PRX: variants seen among roughly 807,000 people sequenced by gnomAD.
The protein encoded by PRX is periaxin.
A neutral mutation model predicts 29.6 loss-of-function variants in PRX; 24 were observed. That is an observed-to-expected ratio of 0.81 (90% CI 0.59 to 1.14). PRX has a LOEUF of 1.14. Ranked by LOEUF, PRX falls within the 50% of genes most tolerant of loss-of-function variation. The probability of loss-of-function intolerance (pLI) is 0.00; values close to 1 mark genes in which losing one functional copy is unlikely to be tolerated. For missense variants in PRX, 1,838 were observed against 1,926.4 expected, an observed-to-expected ratio of 0.95 and a Z score of 0.86; for synonymous variants, 772 against 831.7, an observed-to-expected ratio of 0.93 and a Z score of 1.24.
chr19:40,394,214 G>A lies in PRX; in HGVS notation c.4138C>T (p.Arg1380Cys), dbSNP rs771840476. ...TTAGAAGGGGCCGCCAGGCCTACACGTGGCAAGCGGACCCGGACCCGGCCC... is the reference window on the plus strand; with the variant it reads ...TTAGAAGGGGCCGCCAGGCCTACACATGGCAAGCGGACCCGGACCCGGCCC... ...RRGRVRVRLP[R>C]VGLAAPSKAS... Residue 1380 changes from arginine (R) to cysteine (C), a missense_variant, in exon 7 of 7, where the codon CGT becomes TGT. Arg to Cys is a radical substitution (Grantham distance 180, BLOSUM62 -3). Around this residue, in one of 3 missense-constraint regions of PRX, gnomAD observed 1,143 missense variants for 1,193.0 expected, o/e 0.96. Transcript: ENST00000324001. This position sits in a 1 kb window ranked among gnomAD's most constrained non-coding sequence, Gnocchi z 5.8. 2.1e-5 allele frequency: 33 copies of A among 1,598,186 alleles called. No homozygotes were observed. Among genetic ancestry groups the A allele is most frequent in the Middle Eastern group, 1.7e-4 (1 of 6,004 alleles).
At chr19:40,407,253 T>TGTGTG (rs1303300315) in intron 4 of PRX, among the ~76,000 whole-genome samples, 1 of 147,100 alleles carries the variant, frequency 6.8e-6, no homozygotes, top group African/African-American at 2.6e-5. Flanking sequence ...TGTGTGTGTG[T>TGTGTG]TTAGACAGGG....
intron 1 of PRX, among the ~76,000 whole-genome samples, chr19:40,410,562 G>T (rs911130719): frequency 6.6e-6 from 1 of 152,122 alleles, no homozygotes; most frequent in Non-Finnish European, 1.5e-5. Flanking sequence ...GCTGTGCCAG[G>T]ACTTGAACTT....
Position 40,397,313 on chromosome 19 carries a change from G to C in PRX, c.1039C>G (p.Arg347Gly), listed in dbSNP as rs539678344. Residue 347 changes from arginine to glycine, a missense_variant, in exon 7 of 7, where the codon CGG (arginine) becomes GGG (glycine). Transcript: ENST00000324001. ...AGGGCCACCTCAGGTGCCTCTCCCC[G>C]GGCCTCCACCTCTGCACCCGGCAAG... Reference protein sequence around the residue: ...LALPGAEVEARGEAPEVALKM... With the variant: ...LALPGAEVEAGGEAPEVALKM... 1.2e-6 allele frequency: 2 copies of C among 1,613,100 alleles called. No individual in the cohort carries two copies. Among genetic ancestry groups the C allele is most frequent in the South Asian group, 1.1e-5 (1 of 91,092 alleles).
intron 3 of PRX, 63 bp downstream of exon 3, chr19:40,408,095 C>A: frequency 1.1e-6 from 1 of 906,938 alleles, no homozygotes; most frequent in South Asian, 1.4e-5. Flanking sequence ...GCCATGCTTA[C>A]AGGGAGAAAG....
chr19:40,396,613 A>G lies in PRX; in HGVS notation c.1739T>C (p.Met580Thr). ...TGGAAGCTTCATCTCAGGGACTTTC[A>G]TCTCTGGCACTTTCGGCAGCTGCAC... Reference protein sequence around the residue: ...PEVQLPKVPEMKVPEMKLPKV... With the variant: ...PEVQLPKVPETKVPEMKLPKV... The change falls in exon 7 of 7, where the codon ATG (methionine) becomes ACG (threonine). Residue 580 changes from methionine to threonine, a missense_variant. Physicochemically the swap from Met to Thr is moderately conservative, Grantham distance 81 (BLOSUM62 -1). Around this residue, in one of 3 missense-constraint regions of PRX, gnomAD observed 1,143 missense variants for 1,193.0 expected, o/e 0.96. Transcript: ENST00000324001. 1 of 1,613,366 alleles carries G rather than the reference A, an allele frequency of 6.2e-7. No homozygotes were observed. Among genetic ancestry groups the G allele is most frequent in the African/African-American group, 1.3e-5 (1 of 74,700 alleles).
chr19:40,397,400 C>A lies in PRX; in HGVS notation c.952G>T (p.Ala318Ser), dbSNP rs765313807. 6.2e-7 allele frequency: 1 copy of A among 1,611,568 alleles called. No individual in the cohort carries two copies. Among genetic ancestry groups the A allele is most frequent in the Non-Finnish European group, 8.5e-7 (1 of 1,179,458 alleles). The part of the protein sequence containing the change: ...TLPCLETREG[A>S]VSVVVPTLDV... ...AGGGTGGGCACCACTACCGACACAGCCCCTTCCCGGGTCTCTAGGCAGGGA... is the reference window on the plus strand; with the variant it reads ...AGGGTGGGCACCACTACCGACACAGACCCTTCCCGGGTCTCTAGGCAGGGA... The change falls in exon 7 of 7, where the codon GCT becomes TCT. Residue 318 changes from alanine to serine, a missense_variant. Coordinates refer to ENST00000324001, the MANE Select transcript of PRX (RefSeq NM_181882.3).
chr19:40,401,060 C>T (rs1212156467), intron 5 of PRX, among the ~76,000 whole-genome samples: 1 of 152,168 alleles, frequency 6.6e-6, no homozygotes, highest in African/African-American at 2.4e-5. Flanking sequence ...GGACCAGCAA[C>T]TCCATCCTCA....
Position 40,398,206 on chromosome 19 carries a change from T to C in PRX, c.382-236A>G. ...AGTGTAGGGACGGGGACCCAAGACT[T>C]CTAGATCCTGATCCGGGATTTTCCC... On this transcript the variant is annotated intron_variant, in intron 6 of 6. Coordinates refer to ENST00000324001, the MANE Select transcript of PRX (RefSeq NM_181882.3). The surrounding 1 kb of genome is among the most constrained non-coding windows in gnomAD (Gnocchi z 6.3). The C allele has an allele frequency of 4.9e-6, 7 of 1,416,804 alleles. No individual in the cohort carries two copies. Among genetic ancestry groups the C allele is most frequent in the Non-Finnish European group, 5.5e-6 (6 of 1,091,334 alleles). 87.8% of individuals were successfully genotyped at this position (1,416,804 alleles called of 1,614,324 possible). A position where few individuals can be genotyped will look rare whatever the true frequency, so the allele number is the denominator to read the frequency against.
chr19:40,401,515 C>G (rs867831127), intron 5 of PRX, among the ~76,000 whole-genome samples: 34 of 152,178 alleles, frequency 2.2e-4, no homozygotes, highest in African/African-American at 7.2e-4. Context: ...TCTCCCTGCT[C>G]ACAGCCCTCA....
At chr19:40,409,659 G>A (rs2079550037) in intron 1 of PRX, among the ~76,000 whole-genome samples, 1 of 151,792 alleles carries the variant, frequency 6.6e-6, no homozygotes, top group Non-Finnish European at 1.5e-5. Context: ...TTTTAGTAGA[G>A]ATGGGGTTTC....
At chr19:40,408,136 C>T (rs1453124932) in intron 3 of PRX, 22 bp downstream of exon 3, 2 of 664,210 alleles carry the variant, frequency 3.0e-6, no homozygotes, top group East Asian at 2.7e-5. Flanking sequence ...GAGAAGGGCC[C>T]CCACCCCAGC....
intron 1 of PRX, among the ~76,000 whole-genome samples, chr19:40,408,677 G>A (rs2079543876): frequency 6.6e-6 from 1 of 152,184 alleles, no homozygotes; most frequent in South Asian, 2.1e-4. Context: ...TATTGCCCAG[G>A]CTGGAGTGCA....
At chr19:40,399,775 C>T (rs1372712539) in intron 5 of PRX, among the ~76,000 whole-genome samples, 5 of 152,164 alleles carry the variant, frequency 3.3e-5, no homozygotes, top group Admixed American at 3.3e-4. Context: ...AATTCCTAGG[C>T]TCAACTGATC....
chr19:40,412,014 T>C (rs557898693), intron 1 of PRX, among the ~76,000 whole-genome samples: 4 of 152,338 alleles, frequency 2.6e-5, no homozygotes, highest in Non-Finnish European at 5.9e-5. Context: ...AGATATCCAT[T>C]TCAGATGCGA....
In PRX at chr19:40,396,588, T is replaced by C. The variant is rs879029685; in HGVS notation, c.1764A>G (p.Pro588=). 1 of 1,613,108 alleles carries C rather than the reference T, an allele frequency of 6.2e-7. No homozygotes were observed. Among genetic ancestry groups the C allele is most frequent in the South Asian group, 1.1e-5 (1 of 91,040 alleles). Residue 588 remains proline, a synonymous_variant, in exon 7 of 7, where the codon CCA becomes CCG. Coordinates refer to ENST00000324001, the MANE Select transcript of PRX (RefSeq NM_181882.3). ...CAGGAAGTTTCATCTCAGGCACCTT[T>C]GGAAGCTTCATCTCAGGGACTTTCA... The part of the protein sequence containing the change: ...PEMKVPEMKL[P]KVPEMKLPEM...
At chr19:40,403,988 G>A (rs956926730) in intron 4 of PRX, 126 bp from the exon 5 acceptor site, 54 of 1,134,180 alleles carry the variant, frequency 4.8e-5, no homozygotes, top group Non-Finnish European at 6.1e-5. Flanking sequence ...CGGGGGTGGG[G>A]GACGGTCTCG....
rs746838314 is a variant in PRX at position 40,394,248 on chromosome 19, C to G, written c.4104G>C (p.Ser1368=). 1 of 1,608,014 alleles carries G rather than the reference C, an allele frequency of 6.2e-7. No individual in the cohort carries two copies. The highest frequency in any genetic ancestry group is 8.5e-7 in the Non-Finnish European group (1 of 1,175,564). The change falls in exon 7 of 7, where the codon TCG becomes TCC. Residue 1368 remains serine (S), a synonymous_variant. Coordinates refer to ENST00000324001, the MANE Select transcript of PRX (RefSeq NM_181882.3). The surrounding 1 kb of genome is among the most constrained non-coding windows in gnomAD (Gnocchi z 5.8). ...GGACCCGGACCCGGCCCCGGCGACCCGAGGCCCCTTCCCCACTGCCCTCTT... is the reference window on the plus strand; with the variant it reads ...GGACCCGGACCCGGCCCCGGCGACCGGAGGCCCCTTCCCCACTGCCCTCTT... The part of the protein sequence containing the change: ...EEEEGSGEGA[S]GRRGRVRVRL...
At chr19:40,406,869 G>A (rs765599292) in intron 4 of PRX, among the ~76,000 whole-genome samples, 1 of 151,052 alleles carries the variant, frequency 6.6e-6, no homozygotes, top group African/African-American at 2.4e-5. Flanking sequence ...CGCTTCCTGG[G>A]TTCAAGCAAT....
rs775170011 is a variant in PRX, at chr19:40,394,626, C to A, written c.3726G>T (p.Gly1242=). ...CCAGTGTGGGCAACTTCAGCCTCAG[C>A]CCACCCTCGCCTGTGGCCGCCTCGC... ...QAGEAATGEG[G]LRLKLPTLGA... The change falls in exon 7 of 7, where the codon GGG becomes GGT. Residue 1242 remains glycine, a synonymous_variant. Coordinates refer to ENST00000324001, the MANE Select transcript of PRX (RefSeq NM_181882.3). This position sits in a 1 kb window ranked among gnomAD's most constrained non-coding sequence, Gnocchi z 5.8. 1.2e-5 allele frequency: 20 copies of A among 1,607,326 alleles called. No individual in the cohort carries two copies. Among genetic ancestry groups the A allele is most frequent in the Non-Finnish European group, 1.5e-5 (18 of 1,179,528 alleles).
Sources: gnomAD v4.1 joint callset for allele counts (sites outside exome capture counted in the v4.1 genomes callset) on GRCh38, gnomAD v4.1.1 for gene constraint, gnomAD v4.1.1 regional missense constraint, Gnocchi (gnomAD v3.1) non-coding constraint, MANE v1.5 for transcripts, NCBI Gene and HGNC (gene_info 2026-07-23, HGNC 2026-07-21) for gene names.